HSD17B12: variants seen among roughly 807,000 people sequenced by gnomAD.
HSD17B12 encodes very-long-chain 3-oxoacyl-CoA reductase.
HSD17B12 carries 32 observed loss-of-function variants against 39.3 expected under a neutral mutation model. The observed-to-expected ratio is 0.81, with a 90% confidence interval of 0.61 to 1.09. The LOEUF is 1.09. Among genes scored for constraint, HSD17B12 ranks in the 50% least tolerant of loss-of-function variants. The pLI is 0.00. For synonymous variants in HSD17B12, 150 were observed against 146.7 expected (o/e 1.02, Z -0.16); for missense variants, 342 against 382.9 (o/e 0.89, Z 0.89).
At chr11:43,637,712 C>T in the HSD17B12 span, among the ~76,000 whole-genome samples, 2 of 152,092 alleles carry the variant, frequency 1.3e-5, no homozygotes, top group Non-Finnish European at 2.9e-5. Context: ...ACTGTTCGTT[C>T]AGAAAAATGT....
chr11:43,710,324 T>C (rs1339111670), intron 1 of HSD17B12, among the ~76,000 whole-genome samples: 2 of 152,172 alleles, frequency 1.3e-5, no homozygotes, highest in African/African-American at 4.8e-5. Context: ...TACAGGACAA[T>C]TAGACATAAA....
At chr11:43,834,592 G>A (rs938430517) in intron 7 of HSD17B12, among the ~76,000 whole-genome samples, 1 of 152,152 alleles carries the variant, frequency 6.6e-6, no homozygotes, top group Non-Finnish European at 1.5e-5. Flanking sequence ...TTTTATAGAG[G>A]TGTGGACAAG....
At chr11:43,790,363 A>G (rs1420210912) in intron 3 of HSD17B12, among the ~76,000 whole-genome samples, 2 of 152,214 alleles carry the variant, frequency 1.3e-5, no homozygotes, top group Non-Finnish European at 2.9e-5. Context: ...AAGAATACAG[A>G]TTATACCTAC....
intron 3 of HSD17B12, among the ~76,000 whole-genome samples, chr11:43,764,455 T>A (rs200416855): frequency 6.6e-6 from 1 of 152,108 alleles, no homozygotes; most frequent in East Asian, 1.9e-4. Flanking sequence ...TTTCCAAATT[T>A]GAAAGAGAGA....
At chr11:43,569,857 G>GCAATGT in the HSD17B12 span, 4 of 152,600 alleles carry the variant, frequency 2.6e-5, no homozygotes, top group Non-Finnish European at 5.9e-5. Flanking sequence ...CGTGCTTTCT[G>GCAATGT]CAATGTTGCT....
intron 3 of HSD17B12, among the ~76,000 whole-genome samples, chr11:43,766,692 G>C (rs943274251): frequency 1.3e-5 from 2 of 152,088 alleles, no homozygotes; most frequent in African/African-American, 4.8e-5. Flanking sequence ...AATGGGTGTG[G>C]GCACTTAGTA....
At chr11:43,754,745 G>A in intron 3 of HSD17B12, 1 of 552,392 alleles carries the variant, frequency 1.8e-6, no homozygotes, top group South Asian at 2.5e-5. Flanking sequence ...CTTCATTTCA[G>A]TATTCCTGAA....
chr11:43,563,078 G>T, the HSD17B12 span, among the ~76,000 whole-genome samples: 2 of 152,132 alleles, frequency 1.3e-5, no homozygotes, highest in Admixed American at 1.3e-4. Context: ...CCTCACCCAG[G>T]TCTTGTATTG....
the HSD17B12 span, among the ~76,000 whole-genome samples, chr11:43,627,610 T>C: frequency 2.0e-5 from 3 of 152,024 alleles, no homozygotes; most frequent in African/African-American, 7.2e-5. Context: ...TTCTTTTAAA[T>C]GGTATTGCTT....
intron 4 of HSD17B12, among the ~76,000 whole-genome samples, chr11:43,802,383 AT>A (rs1431542212): frequency 6.6e-6 from 1 of 152,122 alleles, no homozygotes; most frequent in African/African-American, 2.4e-5. Flanking sequence ...ATTTAAAAAT[AT>A]TTTGCATACT....
intron 6 of HSD17B12, among the ~76,000 whole-genome samples, chr11:43,823,531 G>A (rs1362807816): frequency 4.6e-5 from 7 of 151,944 alleles, no homozygotes; most frequent in East Asian, 1.9e-4. Flanking sequence ...TCAGCTTCCC[G>A]AAGTGCTGGG....
the HSD17B12 span, among the ~76,000 whole-genome samples, chr11:43,628,305 A>G: frequency 6.6e-6 from 1 of 152,204 alleles, no homozygotes; most frequent in African/African-American, 2.4e-5. Flanking sequence ...AGAATCTTTT[A>G]AAGCATTTTT....
Position 43,854,791 on chromosome 11 carries a change from C to A in HSD17B12, c.761C>A (p.Thr254Lys), listed in dbSNP as rs202075210. The A allele has an allele frequency of 1.2e-5, 19 of 1,614,152 alleles. No individual in the cohort carries two copies. The South Asian group carries it at 1.9e-4, about 16-fold the overall frequency. Residue 254 changes from threonine (T) to lysine (K), a missense_variant, in exon 10 of 11, where the codon ACG (threonine) becomes AAG (lysine). Physicochemically the swap from Thr to Lys is moderately conservative, Grantham distance 78. Transcript: ENST00000278353. ...KPTLDKPSPE[T>K]FVKSAIKTVG... ...ACTTTGGATAAGCCCTCTCCGGAGA[C>A]GTTTGTGAAGTCTGCAATTAAAACA...
the HSD17B12 span, among the ~76,000 whole-genome samples, chr11:43,599,972 G>T: frequency 6.6e-6 from 1 of 152,064 alleles, no homozygotes; most frequent in South Asian, 2.1e-4. Context: ...ACCTGAACAG[G>T]TTGTAGTCAT....
At chr11:43,792,850 T>G (rs1006970412) in intron 3 of HSD17B12, among the ~76,000 whole-genome samples, 1 of 151,996 alleles carries the variant, frequency 6.6e-6, no homozygotes, top group Non-Finnish European at 1.5e-5. Flanking sequence ...ATGCCTAATG[T>G]TCTGTCTTAT....
intron 1 of HSD17B12, among the ~76,000 whole-genome samples, chr11:43,744,200 A>G (rs1185483743): frequency 6.6e-6 from 1 of 152,204 alleles, no homozygotes; most frequent in Non-Finnish European, 1.5e-5. Flanking sequence ...AGATATTATT[A>G]AACAATTAAC....
At chr11:43,769,004 C>G (rs547127643) in intron 3 of HSD17B12, among the ~76,000 whole-genome samples, 47 of 152,344 alleles carry the variant, frequency 3.1e-4, no homozygotes, top group African/African-American at 1.1e-3. Context: ...CCACCAGACT[C>G]AGAAGCTCAG....
chr11:43,633,738 T>G, the HSD17B12 span, among the ~76,000 whole-genome samples: 1 of 151,842 alleles, frequency 6.6e-6, no homozygotes, highest in African/African-American at 2.4e-5. Flanking sequence ...TTTCAGAGAT[T>G]ATAAAACTCT....
intron 1 of HSD17B12, among the ~76,000 whole-genome samples, chr11:43,688,321 C>T (rs541193081): frequency 1.6e-4 from 24 of 152,174 alleles, no homozygotes; most frequent in Admixed American, 2.6e-4. Context: ...CCATTTCTGT[C>T]TGGGGGAAAA....
Sources: gnomAD v4.1 joint callset for allele counts (sites outside exome capture counted in the v4.1 genomes callset) on GRCh38, gnomAD v4.1.1 for gene constraint, MANE v1.5 for transcripts, NCBI Gene and HGNC (gene_info 2026-07-23, HGNC 2026-07-21) for gene names.